The following DTNB variants were observed in gnomAD, a reference collection of about 807,000 sequenced individuals.
DTNB encodes the protein DTN-B.
A neutral mutation model predicts 90.7 loss-of-function variants in DTNB; 63 were observed. The ratio of observed to expected loss-of-function variants is 0.69; its 90% confidence interval spans 0.57 to 0.86. The LOEUF (loss-of-function observed/expected upper bound fraction) is 0.86. Ranked by LOEUF, DTNB falls within the 40% of genes least tolerant of loss-of-function variation. DTNB has a pLI of 0.00. For missense variants in DTNB, 744 were observed against 807.1 expected (o/e 0.92, Z 0.95); for synonymous variants, 277 against 286.7 (o/e 0.97, Z 0.34).
At chr2:25,457,983 G>A (rs1193050185) in intron 10 of DTNB, among the ~76,000 whole-genome samples, 3 of 151,932 alleles carry the variant, frequency 2.0e-5, no homozygotes, top group Non-Finnish European at 2.9e-5. Context: ...ACAGGTGCAC[G>A]CCACCATGCT....
At chr2:25,565,011 G>C (rs1019581641) in intron 8 of DTNB, among the ~76,000 whole-genome samples, 2 of 152,062 alleles carry the variant, frequency 1.3e-5, no homozygotes, top group Admixed American at 1.3e-4. Context: ...TTTTTTGTGT[G>C]TGTTAGGATT....
At chr2:25,670,403 C>CTA (rs925620130) in intron 1 of DTNB, among the ~76,000 whole-genome samples, 6 of 148,644 alleles carry the variant, frequency 4.0e-5, no homozygotes, top group African/African-American at 1.3e-4. Flanking sequence ...TTTGTGTTCC[C>CTA]TATATATACA....
intron 9 of DTNB, among the ~76,000 whole-genome samples, chr2:25,512,674 G>A (rs1329126500): frequency 6.6e-6 from 1 of 152,224 alleles, no homozygotes; most frequent in Non-Finnish European, 1.5e-5. Context: ...TTTAAGGAAG[G>A]TTGCATGGAC....
intron 8 of DTNB, among the ~76,000 whole-genome samples, chr2:25,566,500 CAGTA>C (rs969197896): frequency 1.6e-4 from 25 of 152,274 alleles, no homozygotes; most frequent in African/African-American, 5.8e-4. Flanking sequence ...AAAGTTAAAA[CAGTA>C]AGCACAAGTC....
At chr2:25,576,168 C>G (rs2060612732) in intron 8 of DTNB, among the ~76,000 whole-genome samples, 1 of 149,398 alleles carries the variant, frequency 6.7e-6, no homozygotes, top group African/African-American at 2.5e-5. Context: ...TTAAGTCTTA[C>G]TTAGAGCTCA....
chr2:25,474,354 A>C (rs916929403), intron 10 of DTNB, among the ~76,000 whole-genome samples: 1 of 151,848 alleles, frequency 6.6e-6, no homozygotes, highest in Non-Finnish European at 1.5e-5. Flanking sequence ...AAATTCTCAC[A>C]AAGACTTCAT....
At chr2:25,480,233 A>G (rs965133757) in intron 10 of DTNB, among the ~76,000 whole-genome samples, 7 of 152,132 alleles carry the variant, frequency 4.6e-5, no homozygotes, top group Non-Finnish European at 1.0e-4. Context: ...TACTCAAGTA[A>G]TTGTGCTTCT....
chr2:25,623,445 T>A (rs2148668611), intron 4 of DTNB, among the ~76,000 whole-genome samples: 1 of 152,138 alleles, frequency 6.6e-6, no homozygotes, highest in South Asian at 2.1e-4. Context: ...GCAGAAGGGG[T>A]CCCTTGGCAG....
chr2:25,403,398 G>A (rs1469721719), intron 16 of DTNB, among the ~76,000 whole-genome samples: 1 of 152,212 alleles, frequency 6.6e-6, no homozygotes, highest in African/African-American at 2.4e-5. Context: ...TTACAGGCAT[G>A]AGCCACTGTG....
chr2:25,637,550 A>G (rs1186903800), intron 3 of DTNB, among the ~76,000 whole-genome samples: 2 of 152,258 alleles, frequency 1.3e-5, no homozygotes, highest in East Asian at 1.9e-4. Context: ...TGGGCGAAGG[A>G]TATGAACAGA....
chr2:25,582,223 G>C (rs953456579), intron 6 of DTNB, among the ~76,000 whole-genome samples: 1 of 152,138 alleles, frequency 6.6e-6, no homozygotes, highest in African/African-American at 2.4e-5. Context: ...CGGAAGCGAG[G>C]AGTGAAGACA....
chr2:25,587,813 G>A (rs961283331), intron 6 of DTNB, among the ~76,000 whole-genome samples: 2 of 151,992 alleles, frequency 1.3e-5, no homozygotes, highest in Non-Finnish European at 2.9e-5. Flanking sequence ...CATTACTATA[G>A]AGACCTGATC....
chr2:25,590,549 A>C (rs1311343759), intron 6 of DTNB, among the ~76,000 whole-genome samples: 2 of 151,796 alleles, frequency 1.3e-5, no homozygotes, highest in Non-Finnish European at 2.9e-5. Context: ...CAGCAGAGAG[A>C]AGACCCTGGC....
At chr2:25,503,610 C>G (rs1031238518) in intron 9 of DTNB, among the ~76,000 whole-genome samples, 14 of 152,066 alleles carry the variant, frequency 9.2e-5, no homozygotes, top group Admixed American at 4.6e-4. Context: ...TAACAGTGAT[C>G]TGAAAATGAA....
chr2:25,573,508 C>T (rs2060193118), intron 8 of DTNB, among the ~76,000 whole-genome samples: 1 of 152,200 alleles, frequency 6.6e-6, no homozygotes, highest in Admixed American at 6.5e-5. Flanking sequence ...TTTCCTTTCA[C>T]TGCCCCAAGA....
At chr2:25,402,253 C>T (rs574458448) in intron 16 of DTNB, among the ~76,000 whole-genome samples, 3 of 151,920 alleles carry the variant, frequency 2.0e-5, no homozygotes, top group Admixed American at 1.3e-4. Context: ...CCGCCTCACA[C>T]GACAAGAGTT....
chr2:25,388,995 C>A (rs867736544), intron 16 of DTNB, among the ~76,000 whole-genome samples: 2 of 152,038 alleles, frequency 1.3e-5, no homozygotes, highest in Non-Finnish European at 2.9e-5. Context: ...TACAGGTGTG[C>A]GCCACCACGC....
chr2:25,543,312 T>TG (rs1324919703), intron 8 of DTNB, among the ~76,000 whole-genome samples: 1 of 134,242 alleles, frequency 7.4e-6, no homozygotes, highest in Non-Finnish European at 1.6e-5. Context: ...TTTTGTTTTT[T>TG]GTTTTTTTTT....
intron 2 of DTNB, 102 bp from the exon 3 acceptor site, chr2:25,639,196 G>T: frequency 8.9e-7 from 1 of 1,125,474 alleles, no homozygotes; most frequent in Non-Finnish European, 1.2e-6. Flanking sequence ...ATACCAGTCA[G>T]CTAGGACTTC....
Sources: allele counts gnomAD v4.1 joint callset (sites outside exome capture counted in the v4.1 genomes callset), GRCh38; gene constraint gnomAD v4.1.1; transcripts MANE v1.5; gene names NCBI Gene and HGNC (gene_info 2026-07-23, HGNC 2026-07-21).